HPS4: variants seen among roughly 807,000 people sequenced by gnomAD.
HPS4 encodes BLOC-3 complex member HPS4.
In HPS4, 44 loss-of-function variants were observed where a neutral mutation model predicts 70.3. The ratio of observed to expected loss-of-function variants is 0.63; its 90% CI spans 0.49 to 0.80. The LOEUF (loss-of-function observed/expected upper bound fraction) is 0.80. HPS4 is among the 30% of genes least tolerant of loss of function. The pLI, the probability that HPS4 is intolerant of heterozygous loss-of-function variation, is 0.00. For synonymous variants in HPS4, 377 were observed against 355.9 expected (o/e 1.06, Z -0.67); for missense variants, 873 against 884.4 (o/e 0.99, Z 0.16).
Position 26,481,885 on chromosome 22 carries a change from G to A in HPS4, c.-123C>T. The A allele has an allele frequency of 1.0e-6, 1 of 958,660 alleles. No homozygotes were observed. Among genetic ancestry groups the A allele is most frequent in the South Asian group, 1.3e-5 (1 of 75,602 alleles). The allele number at this position is 958,660 out of a possible 1,614,324, so 59.4% of individuals were successfully genotyped here. A position where few individuals can be genotyped will look rare whatever the true frequency, so the allele number is the denominator to read the frequency against. ...GTGAATCTGGACGTGGTAGGTTTCA[G>A]TGTTTTCAGTCACAACTGCCACTTG... On this transcript the variant is annotated 5_prime_UTR_variant, in exon 2 of 14. Coordinates refer to ENST00000398145, the MANE Select transcript of HPS4 (RefSeq NM_022081.6).
At chr22:26,475,066 C>A (rs1458391164) in intron 4 of HPS4, among the ~76,000 whole-genome samples, 1 of 152,180 alleles carries the variant, frequency 6.6e-6, no homozygotes, top group Non-Finnish European at 1.5e-5. Context: ...CCCAGCAATT[C>A]CAGGACTGGA....
At chr22:26,481,419 T>C (rs1263217771) in intron 2 of HPS4, among the ~76,000 whole-genome samples, 2 of 152,188 alleles carry the variant, frequency 1.3e-5, no homozygotes, top group Non-Finnish European at 2.9e-5. Context: ...TCTCTGCAAA[T>C]TGAAGACTAC....
At chr22:26,463,316 C>T (rs949125120) in intron 11 of HPS4, among the ~76,000 whole-genome samples, 1 of 152,174 alleles carries the variant, frequency 6.6e-6, no homozygotes, top group Non-Finnish European at 1.5e-5. Context: ...GATGCTGGGG[C>T]TATGGAGGGA....
chr22:26,458,048 C>A (rs1275883921), intron 12 of HPS4, 81 bp from the exon 13 acceptor site: 2 of 1,158,756 alleles, frequency 1.7e-6, no homozygotes, highest in South Asian at 1.3e-5. Context: ...GTACTGAACA[C>A]GGGGACTGAG....
intron 4 of HPS4, among the ~76,000 whole-genome samples, chr22:26,473,757 C>G (rs1226660876): frequency 6.6e-6 from 1 of 151,996 alleles, no homozygotes; most frequent in African/African-American, 2.4e-5. Flanking sequence ...AAAAAAAGTA[C>G]TTGCTGAGTT....
rs1468111880 is a variant in HPS4 at position 26,451,073 on chromosome 22, CTG to C, written c.*2158_*2159del. Among the ~76,000 whole-genome samples the C allele has an allele frequency of 6.6e-6, 1 of 152,238 alleles. No homozygotes were observed. The highest frequency in any genetic ancestry group is 1.5e-5 in the Non-Finnish European group (1 of 68,040). ...CACTAGAATCTGTGGTCCTGGATCA[CTG>C]ACAGTGGCACTCGGTGTCAACTAGG... On this transcript the variant is annotated 3_prime_UTR_variant, in exon 14 of 14. Transcript: ENST00000398145.
chr22:26,476,678 A>G (rs2090595422), intron 4 of HPS4: 2 of 349,804 alleles, frequency 5.7e-6, no homozygotes, highest in Non-Finnish European at 1.1e-5. Context: ...TGTAGAGAGC[A>G]TGGAGAAGAA....
At chr22:26,473,598 C>T (rs563333442) in intron 4 of HPS4, among the ~76,000 whole-genome samples, 10 of 152,286 alleles carry the variant, frequency 6.6e-5, no homozygotes, top group African/African-American at 2.2e-4. Context: ...ACTAAAAATA[C>T]TGGGCGTGGT....
chr22:26,463,520 T>TC (rs1296149127), intron 11 of HPS4, among the ~76,000 whole-genome samples: 3 of 152,156 alleles, frequency 2.0e-5, no homozygotes, highest in Admixed American at 2.0e-4. Flanking sequence ...TCTACCACCA[T>TC]CCCTACGTGA....
downstream of HPS4, among the ~76,000 whole-genome samples, chr22:26,449,432 G>C (rs2146178284): frequency 6.7e-6 from 1 of 149,214 alleles, no homozygotes; most frequent in South Asian, 2.1e-4. Context: ...CTGGGTTTAA[G>C]CAATTCTCCG....
At chr22:26,449,704 C>T (rs1396962279), downstream of HPS4, among the ~76,000 whole-genome samples, 1 of 152,212 alleles carries the variant, frequency 6.6e-6, no homozygotes, top group Non-Finnish European at 1.5e-5. Context: ...TCTTCTCACG[C>T]CCTCCGTGCT....
chr22:26,470,654 G>A lies in HPS4; in HGVS notation c.596+65C>T, dbSNP rs982248930. On this transcript the variant is annotated intron_variant, in intron 7 of 13. Transcript: ENST00000398145. ...CTGGGCTCCCCACTGTGATCTGGAG[G>A]TGGCTGATGGTCAGTTGTGCAGCAA... The A allele has an allele frequency of 2.0e-6, 3 of 1,503,952 alleles. No homozygotes were observed. In the African/African-American group the frequency reaches 4.1e-5, roughly 21 times the overall value. 93.2% of individuals were successfully genotyped at this position (1,503,952 alleles called of 1,614,324 possible).
Position 26,452,474 on chromosome 22 carries a change from C to A in HPS4, c.*759G>T. 1 of 421,072 alleles carries A rather than the reference C, an allele frequency of 2.4e-6. No individual in the cohort carries two copies. The highest frequency in any genetic ancestry group is 4.7e-6 in the Non-Finnish European group (1 of 211,174). 26.1% of individuals were successfully genotyped at this position (421,072 alleles called of 1,614,324 possible). On this transcript the variant is annotated 3_prime_UTR_variant, in exon 14 of 14. Transcript: ENST00000398145. ...TTAGGGACACTCGCTCGAGAGGAAC[C>A]AGCTGCACGGCCCACTTGTAGTCAA...
At chr22:26,477,207 A>G in intron 3 of HPS4, 71 bp from the exon 4 acceptor site, 1 of 1,553,214 alleles carries the variant, frequency 6.4e-7, no homozygotes, top group Non-Finnish European at 8.9e-7. Flanking sequence ...CTTACAGCAT[A>G]CTAAAGCCTG....
In HPS4 at chr22:26,464,176, G is replaced by A. The variant is rs772234990; in HGVS notation, c.1454C>T (p.Thr485Met). ...DPGQRGNKLP[T>M]GEQGLDEDVD... ...ATCCTCATCCAGGCCTTGTTCCCCC[G>A]TGGGAAGCTTGTTTCCTCTCTGTCC... The change falls in exon 11 of 14, where the codon ACG becomes ATG. Residue 485 changes from threonine (T) to methionine (M), a missense_variant. Transcript: ENST00000398145. 2.2e-5 allele frequency: 36 copies of A among 1,614,102 alleles called. No homozygotes were observed. Among genetic ancestry groups the A allele is most frequent in the East Asian group, 6.7e-5 (3 of 44,894 alleles).
At chr22:26,450,719 C>T (rs759109108), downstream of HPS4, among the ~76,000 whole-genome samples, 2 of 152,158 alleles carry the variant, frequency 1.3e-5, no homozygotes, top group African/African-American at 2.4e-5. Context: ...TGACAGTTCT[C>T]GTGAGATCTG....
intron 3 of HPS4, among the ~76,000 whole-genome samples, chr22:26,478,570 C>CAAAAAAA (rs58708957): frequency 9.0e-6 from 1 of 111,242 alleles, no homozygotes; most frequent in Non-Finnish European, 1.7e-5. Context: ...GCCTCCATCA[C>CAAAAAAA]AAAAAAAAAA....
chr22:26,467,721 CA>C (rs1312870637), intron 8 of HPS4: 2 of 151,696 alleles, frequency 1.3e-5, no homozygotes, highest in Non-Finnish European at 2.9e-5. Context: ...GCTTCATACA[CA>C]AAACAAAAAA....
rs114353288 is a variant in HPS4 at position 26,469,264 on chromosome 22, T to G, written c.597-641A>C. Among the ~76,000 whole-genome samples, 1,072 of 110,790 alleles carry G rather than the reference T, an allele frequency of 9.7e-3. 17 individuals are homozygous for G. The highest frequency in any genetic ancestry group is 0.037 in the African/African-American group (1,019 of 27,874). 72.7% of individuals were successfully genotyped at this position (110,790 alleles called of 152,430 possible). A position where few individuals can be genotyped will look rare whatever the true frequency, so the allele number is the denominator to read the frequency against. ...GAGTTTGAGACCTCCATGAGCAACATAGTGAGATCCCATCTCTACAAAAAA... is the reference window on the plus strand; with the variant it reads ...GAGTTTGAGACCTCCATGAGCAACAGAGTGAGATCCCATCTCTACAAAAAA... On this transcript the variant is annotated intron_variant, in intron 7 of 13. Transcript: ENST00000398145.
Sources: gnomAD v4.1 joint callset for allele counts (sites outside exome capture counted in the v4.1 genomes callset) on GRCh38, gnomAD v4.1.1 for gene constraint, MANE v1.5 for transcripts, NCBI Gene and HGNC (gene_info 2026-07-23, HGNC 2026-07-21) for gene names.